SGCZ: variants seen among roughly 807,000 people sequenced by gnomAD.
SGCZ encodes the protein sarcoglycan zeta.
Under a neutral mutation model 41.3 loss-of-function variants are expected in SGCZ, and 40 were observed. The ratio of observed to expected loss-of-function variants is 0.97; its 90% confidence interval spans 0.75 to 1.26. The LOEUF is 1.26. Ranked by LOEUF, SGCZ falls within the 50% of genes most tolerant of loss-of-function variation. SGCZ has a pLI of 0.00. For missense variants in SGCZ, 552 were observed against 369.8 expected, an observed-to-expected ratio of 1.49 and a Z score of -4.04; for synonymous variants, 206 against 137.5, an observed-to-expected ratio of 1.50 and a Z score of -3.49.
At chr8:14,485,335 C>T (rs1801643704) in intron 2 of SGCZ, among the ~76,000 whole-genome samples, 1 of 152,194 alleles carries the variant, frequency 6.6e-6, no homozygotes, top group South Asian at 2.1e-4. Flanking sequence ...CTCCTGGGTT[C>T]AAGCGATTCT....
At chr8:14,157,705 C>G (rs1184944784) in intron 5 of SGCZ, among the ~76,000 whole-genome samples, 2 of 151,874 alleles carry the variant, frequency 1.3e-5, no homozygotes, top group Non-Finnish European at 2.9e-5. Flanking sequence ...TACTAGGTAT[C>G]TGGAAATAGT....
At chr8:14,163,340 C>T (rs1271163214) in intron 5 of SGCZ, among the ~76,000 whole-genome samples, 3 of 152,244 alleles carry the variant, frequency 2.0e-5, no homozygotes, top group South Asian at 2.1e-4. Flanking sequence ...CGCTTACAGG[C>T]TCCAGTGTGT....
intron 2 of SGCZ, among the ~76,000 whole-genome samples, chr8:14,375,513 G>A (rs1003230030): frequency 5.9e-5 from 9 of 151,918 alleles, no homozygotes; most frequent in African/African-American, 7.3e-5. Context: ...GCATAAAGTC[G>A]AATAATTAAA....
intron 1 of SGCZ, among the ~76,000 whole-genome samples, chr8:14,602,044 C>T (rs983494262): frequency 2.6e-5 from 4 of 151,922 alleles, no homozygotes; most frequent in African/African-American, 4.8e-5. Context: ...GGCATGAACC[C>T]GGGAGGCGGA....
intron 4 of SGCZ, among the ~76,000 whole-genome samples, chr8:14,210,657 G>A (rs970058533): frequency 1.3e-5 from 2 of 151,268 alleles, no homozygotes; most frequent in Non-Finnish European, 2.9e-5. Flanking sequence ...AGTAGAGACG[G>A]GGTTTCATCA....
chr8:14,687,197 T>C (rs1007037365), intron 1 of SGCZ, among the ~76,000 whole-genome samples: 2 of 148,128 alleles, frequency 1.4e-5, no homozygotes, highest in African/African-American at 2.4e-5. Flanking sequence ...TATATTTTAA[T>C]TTTATTATTA....
chr8:14,590,378 G>A (rs970427263), intron 1 of SGCZ, among the ~76,000 whole-genome samples: 1 of 151,836 alleles, frequency 6.6e-6, no homozygotes, highest in Non-Finnish European at 1.5e-5. Flanking sequence ...TCTAAAAGAT[G>A]TAAGGTATAC....
At position 14,400,916 on chromosome 8, in the gene SGCZ, G is replaced by A. The variant is rs142904447; in HGVS notation, c.235-76712C>T. Among the ~76,000 whole-genome samples, 453 of 152,238 alleles carry A rather than the reference G, an allele frequency of 3.0e-3. 2 individuals are homozygous for A. The highest frequency in any genetic ancestry group is 0.01 in the African/African-American group (433 of 41,558). The stretch of plus-strand genomic sequence containing the variant: ...TTTATGTAACTGAATAAGTGTTGTG[G>A]TTGTGTTTCTGTCTTGTTTTGTTAA... On this transcript the variant is annotated intron_variant, in intron 2 of 7. Coordinates refer to ENST00000382080, the MANE Select transcript of SGCZ (RefSeq NM_139167.4).
chr8:14,551,080 C>T (rs964180076), intron 2 of SGCZ, among the ~76,000 whole-genome samples: 10 of 150,962 alleles, frequency 6.6e-5, no homozygotes, highest in African/African-American at 1.9e-4. Context: ...ATTTGCTCTC[C>T]CCATTTGCTT....
intron 2 of SGCZ, among the ~76,000 whole-genome samples, chr8:14,424,585 C>G (rs1031157095): frequency 1.3e-4 from 19 of 151,946 alleles, no homozygotes; most frequent in African/African-American, 4.4e-4. Flanking sequence ...ACTATATCAT[C>G]TATAATTCAT....
chr8:14,823,624 C>T (rs1204005347), intron 1 of SGCZ, among the ~76,000 whole-genome samples: 2 of 152,114 alleles, frequency 1.3e-5, no homozygotes, highest in African/African-American at 4.8e-5. Flanking sequence ...ACACACTGTT[C>T]TTGGGACTGT....
chr8:14,809,376 A>G (rs1801670925), intron 1 of SGCZ, among the ~76,000 whole-genome samples: 2 of 152,144 alleles, frequency 1.3e-5, no homozygotes, highest in South Asian at 2.1e-4. Flanking sequence ...GCACTAAATG[A>G]TTGTTTAAAC....
At chr8:14,473,262 T>G (rs1801262851) in intron 2 of SGCZ, among the ~76,000 whole-genome samples, 1 of 152,164 alleles carries the variant, frequency 6.6e-6, no homozygotes, top group African/African-American at 2.4e-5. Flanking sequence ...GTAAAATAGT[T>G]TAAAATTGTA....
intron 4 of SGCZ, among the ~76,000 whole-genome samples, chr8:14,189,323 A>G (rs888211016): frequency 6.6e-6 from 1 of 152,120 alleles, no homozygotes; most frequent in African/African-American, 2.4e-5. Context: ...ATCAAACTGT[A>G]AGCCTTTTCG....
At chr8:14,914,089 G>C (rs907546304) in intron 1 of SGCZ, among the ~76,000 whole-genome samples, 3 of 151,734 alleles carry the variant, frequency 2.0e-5, no homozygotes, top group African/African-American at 7.3e-5. Context: ...TTTTTAAAAG[G>C]TGTGAGAGAT....
intron 2 of SGCZ, among the ~76,000 whole-genome samples, chr8:14,439,319 A>G (rs1406142965): frequency 6.8e-6 from 1 of 147,932 alleles, no homozygotes; most frequent in Non-Finnish European, 1.5e-5. Flanking sequence ...AAATATATAT[A>G]TATATATATA....
At chr8:14,212,099 T>C (rs1202093440) in intron 4 of SGCZ, among the ~76,000 whole-genome samples, 1 of 152,084 alleles carries the variant, frequency 6.6e-6, no homozygotes. Context: ...CTCGATCTTG[T>C]AGCAGACGAT....
intron 1 of SGCZ, among the ~76,000 whole-genome samples, chr8:14,814,072 A>G (rs1801820613): frequency 6.6e-6 from 1 of 152,250 alleles, no homozygotes. Context: ...CATGTCTTTT[A>G]TGATGTGCCT....
chr8:14,456,066 C>T (rs773730657), intron 2 of SGCZ, among the ~76,000 whole-genome samples: 3 of 152,058 alleles, frequency 2.0e-5, no homozygotes, highest in Admixed American at 6.6e-5. Flanking sequence ...ATCATGGTGA[C>T]GCTTGCACAA....
Sources: gnomAD v4.1 joint callset for allele counts (sites outside exome capture counted in the v4.1 genomes callset) on GRCh38, gnomAD v4.1.1 for gene constraint, MANE v1.5 for transcripts, NCBI Gene and HGNC (gene_info 2026-07-23, HGNC 2026-07-21) for gene names.